Variants in PDE5A observed in about 807,000 individuals in gnomAD.
PDE5A encodes phosphodiesterase 5A, also known as cGMP-specific 3',5'-cyclic phosphodiesterase.
A neutral mutation model predicts 110.2 loss-of-function variants in PDE5A; 67 were observed. The ratio of observed to expected loss-of-function variants is 0.61; its 90% CI spans 0.50 to 0.75. The LOEUF (loss-of-function observed/expected upper bound fraction) is 0.75. Ranked by LOEUF, PDE5A falls within the 30% of genes least tolerant of loss-of-function variation. The pLI is 0.00. For synonymous variants in PDE5A, 328 were observed against 351.2 expected, an observed-to-expected ratio of 0.93 and a Z score of 0.74; for missense variants, 862 against 1,045.1, an observed-to-expected ratio of 0.82 and a Z score of 2.42.
chr4:119,601,851 G>C (rs985144094), intron 2 of PDE5A, among the ~76,000 whole-genome samples: 1 of 152,122 alleles, frequency 6.6e-6, no homozygotes, highest in African/African-American at 2.4e-5. Context: ...TGGTATTCCA[G>C]CTAAAAGGGC....
intron 6 of PDE5A, among the ~76,000 whole-genome samples, chr4:119,562,422 T>C (rs1300304072): frequency 1.3e-5 from 2 of 152,236 alleles, no homozygotes; most frequent in African/African-American, 4.8e-5. Flanking sequence ...GAAATTTTTA[T>C]ACCCAACCCA....
chr4:119,577,615 C>G (rs1020208400), intron 3 of PDE5A, among the ~76,000 whole-genome samples: 2 of 151,954 alleles, frequency 1.3e-5, no homozygotes, highest in Non-Finnish European at 2.9e-5. Context: ...ATGCAGAAAA[C>G]GCCTTTGACA....
At position 119,496,195 on chromosome 4, in the gene PDE5A, TAAAC is replaced by T. The variant is rs746076127; in HGVS notation, c.*2402_*2405del. The stretch of plus-strand genomic sequence containing the variant: ...AAATGGTATGTTACTCTGTTATAAC[TAAAC>T]AAACAAAAAATCTAGAACAAGAACT... On this transcript the variant is annotated 3_prime_UTR_variant, in exon 21 of 21. Coordinates refer to ENST00000354960, the MANE Select transcript of PDE5A (RefSeq NM_001083.4). 6.6e-6 allele frequency: 1 copy of T among 152,082 alleles called. No individual in the cohort carries two copies. Among genetic ancestry groups the T allele is most frequent in the Non-Finnish European group, 1.5e-5 (1 of 68,010 alleles). The allele number at this position is 152,082 out of a possible 1,614,324, so 9.4% of individuals were successfully genotyped here.
At chr4:119,599,504 G>A (rs1389852920) in intron 2 of PDE5A, among the ~76,000 whole-genome samples, 1 of 151,812 alleles carries the variant, frequency 6.6e-6, no homozygotes, top group Non-Finnish European at 1.5e-5. Context: ...TATTAAAATA[G>A]TCAAATGAAA....
At chr4:119,615,147 C>T (rs1476086622) in intron 1 of PDE5A, among the ~76,000 whole-genome samples, 1 of 152,154 alleles carries the variant, frequency 6.6e-6, no homozygotes, top group Non-Finnish European at 1.5e-5. Flanking sequence ...AGACTCCCCA[C>T]CACAGTTTGC....
intron 18 of PDE5A, among the ~76,000 whole-genome samples, chr4:119,503,799 A>ATATC (rs1327524961): frequency 6.6e-6 from 1 of 152,118 alleles, no homozygotes; most frequent in African/African-American, 2.4e-5. Flanking sequence ...CTTTCTTAAT[A>ATATC]TATCTTACAA....
chr4:119,553,363 C>T (rs1170538145), intron 8 of PDE5A, among the ~76,000 whole-genome samples: 2 of 150,724 alleles, frequency 1.3e-5, no homozygotes. Flanking sequence ...ATGTCATTGA[C>T]ATTATGTAGG....
At chr4:119,571,774 C>G (rs1238552635) in intron 3 of PDE5A, among the ~76,000 whole-genome samples, 1 of 152,148 alleles carries the variant, frequency 6.6e-6, no homozygotes, top group Non-Finnish European at 1.5e-5. Flanking sequence ...CTCATTTTAT[C>G]TCTTCTGTTT....
intron 3 of PDE5A, among the ~76,000 whole-genome samples, chr4:119,585,850 C>G (rs1229400316): frequency 6.6e-6 from 1 of 152,114 alleles, no homozygotes; most frequent in Non-Finnish European, 1.5e-5. Context: ...CATTTTTTCT[C>G]AAATTGCTCA....
rs961329688 is a variant in PDE5A at position 119,500,670 on chromosome 4, A to G, written c.2490+500T>C. Among the ~76,000 whole-genome samples the G allele has an allele frequency of 2.0e-5, 3 of 152,194 alleles. No individual in the cohort carries two copies. The South Asian group carries it at 6.2e-4, about 32-fold the overall frequency. On this transcript the variant is annotated intron_variant, in intron 20 of 20. Coordinates refer to ENST00000354960, the MANE Select transcript of PDE5A (RefSeq NM_001083.4). ...AACTAATAAGTTAGATGTTTTAGGG[A>G]GAATCTATTTGCCTACAATAACCAC...
intron 18 of PDE5A, 119 bp downstream of exon 18, chr4:119,504,417 A>G (rs1043306379): frequency 7.1e-6 from 5 of 705,928 alleles, no homozygotes; most frequent in Non-Finnish European, 9.5e-6. Context: ...TGATGAACAT[A>G]TAAGTGTCTT....
chr4:119,586,772 G>A (rs1386142657), intron 3 of PDE5A, among the ~76,000 whole-genome samples: 1 of 152,044 alleles, frequency 6.6e-6, no homozygotes, highest in East Asian at 1.9e-4. Flanking sequence ...AAAAAGTGCT[G>A]GAATGGTTAT....
chr4:119,553,226 C>T (rs886744481), intron 8 of PDE5A, among the ~76,000 whole-genome samples: 4 of 151,970 alleles, frequency 2.6e-5, no homozygotes, highest in African/African-American at 9.7e-5. Flanking sequence ...GCTTTGAGGT[C>T]AAGAAAAACA....
chr4:119,530,606 T>A (rs1312163122), intron 11 of PDE5A, among the ~76,000 whole-genome samples: 1 of 152,196 alleles, frequency 6.6e-6, no homozygotes, highest in African/African-American at 2.4e-5. Flanking sequence ...ATTGTAATTA[T>A]ACAAATTGTA....
chr4:119,590,060 A>T (rs1479252142), intron 3 of PDE5A, among the ~76,000 whole-genome samples: 1 of 152,154 alleles, frequency 6.6e-6, no homozygotes, highest in African/African-American at 2.4e-5. Context: ...TCTTCTCTCT[A>T]TTATGACCCC....
intron 1 of PDE5A, among the ~76,000 whole-genome samples, chr4:119,613,361 C>T (rs1026622006): frequency 2.6e-5 from 4 of 152,068 alleles, no homozygotes; most frequent in Non-Finnish European, 4.4e-5. Flanking sequence ...ATAGAATTAA[C>T]TTTAATTGTC....
chr4:119,624,106 C>T (rs1420384347), intron 1 of PDE5A, among the ~76,000 whole-genome samples: 1 of 151,880 alleles, frequency 6.6e-6, no homozygotes, highest in African/African-American at 2.4e-5. Context: ...TTATGAACAA[C>T]ATAAGAAAAA....
chr4:119,601,447 C>A (rs1383362810), intron 2 of PDE5A, among the ~76,000 whole-genome samples: 1 of 151,738 alleles, frequency 6.6e-6, no homozygotes, highest in Non-Finnish European at 1.5e-5. Flanking sequence ...CACCACCCCA[C>A]CCCCCGCCAC....
intron 18 of PDE5A, 127 bp from the exon 19 acceptor site, chr4:119,502,782 T>C (rs748722065): frequency 4.3e-5 from 27 of 621,996 alleles, no homozygotes; most frequent in Non-Finnish European, 7.6e-5. Flanking sequence ...AGCAGCTTGA[T>C]ACCCGAAGAC....
Sources: gnomAD v4.1 joint callset for allele counts (sites outside exome capture counted in the v4.1 genomes callset) on GRCh38, gnomAD v4.1.1 for gene constraint, MANE v1.5 for transcripts, NCBI Gene and HGNC (gene_info 2026-07-23, HGNC 2026-07-21) for gene names.